The following DOCK3 variants were observed in gnomAD, a reference collection of about 807,000 sequenced individuals.
The protein encoded by DOCK3 is dedicator of cytokinesis 3, also known as dedicator of cytokinesis protein 3.
Under a neutral mutation model 265.6 loss-of-function variants are expected in DOCK3, and 60 were observed. The ratio of observed to expected loss-of-function variants is 0.23; its 90% CI spans 0.18 to 0.28. The LOEUF (loss-of-function observed/expected upper bound fraction) is 0.28, where lower values mean the gene tolerates loss of function less well. DOCK3 is among the 10% of genes least tolerant of loss of function. The probability of loss-of-function intolerance (pLI) is 1.00; values close to 1 mark genes in which losing one functional copy is unlikely to be tolerated. For missense variants in DOCK3, 1,981 were observed against 2,594.3 expected (o/e 0.76, Z 5.14); for synonymous variants, 881 against 938.0 (o/e 0.94, Z 1.11).
chr3:50,799,398 G>A (rs192535834), intron 2 of DOCK3, among the ~76,000 whole-genome samples: 1 of 151,966 alleles, frequency 6.6e-6, no homozygotes, highest in East Asian at 1.9e-4. Context: ...TTTTATCAGT[G>A]TTTTGTAGTT....
intron 12 of DOCK3, among the ~76,000 whole-genome samples, chr3:51,193,346 G>A (rs555873123): frequency 3.5e-4 from 53 of 152,168 alleles, no homozygotes; most frequent in Non-Finnish European, 6.6e-4. Flanking sequence ...GTTAGCATCT[G>A]TGTTTACCAG....
At chr3:51,131,923 C>G (rs907620769) in intron 9 of DOCK3, among the ~76,000 whole-genome samples, 1 of 152,180 alleles carries the variant, frequency 6.6e-6, no homozygotes, top group Non-Finnish European at 1.5e-5. Flanking sequence ...CTTCAAAATG[C>G]AGGTGTTGCC....
At chr3:51,249,535 G>C (rs376229596) in intron 22 of DOCK3, among the ~76,000 whole-genome samples, 45,514 of 60,446 alleles carry the variant, frequency 0.75, 17,783 homozygotes, top group Non-Finnish European at 0.8. Flanking sequence ...CCAGCCGCCC[G>C]GTCCGGGAGG....
chr3:50,979,167 TC>T (rs1257047388), intron 5 of DOCK3, among the ~76,000 whole-genome samples: 1 of 152,184 alleles, frequency 6.6e-6, no homozygotes, highest in African/African-American at 2.4e-5. Context: ...TCTTGGCTCC[TC>T]CCCCAGTGTG....
intron 14 of DOCK3, among the ~76,000 whole-genome samples, 159 bp downstream of exon 14, chr3:51,214,406 G>C (rs2089671241): frequency 6.6e-6 from 1 of 152,130 alleles, no homozygotes; most frequent in Non-Finnish European, 1.5e-5. Context: ...TGCAGTCAAT[G>C]GCCCTTTGGC....
intron 22 of DOCK3, among the ~76,000 whole-genome samples, chr3:51,254,156 T>C (rs2079416931): frequency 2.0e-5 from 3 of 152,322 alleles, no homozygotes; most frequent in South Asian, 4.1e-4. Flanking sequence ...GGTTGTTCAG[T>C]TTCCATGTAG....
intron 2 of DOCK3, among the ~76,000 whole-genome samples, chr3:50,796,485 T>C (rs1576459047): frequency 6.6e-6 from 1 of 152,094 alleles, no homozygotes; most frequent in Non-Finnish European, 1.5e-5. Context: ...ATTATAGGCA[T>C]GCGTCACCAC....
At chr3:51,369,742 C>A (rs1035873000) in intron 49 of DOCK3, among the ~76,000 whole-genome samples, 2 of 151,914 alleles carry the variant, frequency 1.3e-5, no homozygotes, top group African/African-American at 4.8e-5. Flanking sequence ...GCAGTGACCA[C>A]CTGGGAAAAG....
At chr3:51,232,350 C>T (rs138048616) in intron 19 of DOCK3, among the ~76,000 whole-genome samples, 1 of 152,140 alleles carries the variant, frequency 6.6e-6, no homozygotes, top group Non-Finnish European at 1.5e-5. Flanking sequence ...GTGCGTGTAT[C>T]TTTTTCATGT....
At chr3:50,874,746 G>A (rs1209682759) in intron 3 of DOCK3, among the ~76,000 whole-genome samples, 2 of 151,870 alleles carry the variant, frequency 1.3e-5, no homozygotes, top group African/African-American at 4.8e-5. Flanking sequence ...ATTTTTCACT[G>A]GTAGTATATG....
intron 3 of DOCK3, among the ~76,000 whole-genome samples, chr3:50,848,196 C>A (rs1357795843): frequency 1.3e-5 from 2 of 152,160 alleles, no homozygotes; most frequent in African/African-American, 2.4e-5. Flanking sequence ...GTTGTCACAT[C>A]TGAGATGGAT....
chr3:51,337,469 C>T (rs2084948241), intron 35 of DOCK3, among the ~76,000 whole-genome samples: 1 of 152,160 alleles, frequency 6.6e-6, no homozygotes, highest in South Asian at 2.1e-4. Flanking sequence ...GTATAAACCC[C>T]TTTCTGCAGC....
At chr3:51,019,531 G>T (rs143566105) in intron 5 of DOCK3, among the ~76,000 whole-genome samples, 2 of 151,784 alleles carry the variant, frequency 1.3e-5, no homozygotes, top group South Asian at 2.1e-4. Flanking sequence ...TTACATAAAC[G>T]TGTGCTGTGG....
At chr3:51,285,245 A>G (rs1002673593) in intron 27 of DOCK3, among the ~76,000 whole-genome samples, 1 of 152,160 alleles carries the variant, frequency 6.6e-6, no homozygotes, top group Non-Finnish European at 1.5e-5. Context: ...ATTGGGAGAA[A>G]TAATTGTCTG....
chr3:50,793,684 T>G (rs1158917673), intron 2 of DOCK3, among the ~76,000 whole-genome samples: 1 of 152,172 alleles, frequency 6.6e-6, no homozygotes, highest in African/African-American at 2.4e-5. Context: ...TTTTCAAAAA[T>G]TCAACCCCTG....
intron 4 of DOCK3, among the ~76,000 whole-genome samples, chr3:50,927,402 ATAGC>A (rs1351445393): frequency 6.6e-6 from 1 of 152,216 alleles, no homozygotes; most frequent in African/African-American, 2.4e-5. Context: ...ATATTTCAAA[ATAGC>A]TAGAAGAGAA....
intron 14 of DOCK3, among the ~76,000 whole-genome samples, chr3:51,217,948 T>C (rs577138973): frequency 1.3e-3 from 199 of 150,986 alleles, no homozygotes; most frequent in Non-Finnish European, 2.3e-3. Context: ...TGAAACCCCA[T>C]CTCTACTAAA....
intron 4 of DOCK3, among the ~76,000 whole-genome samples, chr3:50,907,324 C>T (rs778115328): frequency 1.3e-5 from 2 of 151,958 alleles, no homozygotes; most frequent in African/African-American, 2.4e-5. Flanking sequence ...CTTTCTGTCT[C>T]GTTGATCTGT....
intron 3 of DOCK3, among the ~76,000 whole-genome samples, chr3:50,873,325 T>C (rs545837086): frequency 6.6e-6 from 1 of 152,210 alleles, no homozygotes; most frequent in African/African-American, 2.4e-5. Flanking sequence ...TGTCTAGAAA[T>C]GTCATCTGGG....
Sources: gnomAD v4.1 joint callset for allele counts (sites outside exome capture counted in the v4.1 genomes callset) on GRCh38, gnomAD v4.1.1 for gene constraint, MANE v1.5 for transcripts, NCBI Gene and HGNC (gene_info 2026-07-23, HGNC 2026-07-21) for gene names.